RBFOX1: variants seen among roughly 807,000 people sequenced by gnomAD.
RBFOX1 encodes RNA binding fox-1 homolog 1.
In RBFOX1, 8 loss-of-function variants were observed where a neutral mutation model predicts 57.7. The observed-to-expected ratio is 0.14, with a 90% CI of 0.08 to 0.25. RBFOX1 has a LOEUF of 0.25. Among genes scored for constraint, RBFOX1 ranks in the 10% least tolerant of loss-of-function variants. The pLI, the probability that RBFOX1 is intolerant of heterozygous loss-of-function variation, is 1.00. For synonymous variants in RBFOX1, 326 were observed against 222.4 expected (o/e 1.47, Z -4.15); for missense variants, 611 against 548.5 (o/e 1.11, Z -1.14).
chr16:6,075,368 C>G (rs548123142), intron 1 of RBFOX1, among the ~76,000 whole-genome samples: 1 of 152,148 alleles, frequency 6.6e-6, no homozygotes, highest in Non-Finnish European at 1.5e-5. Context: ...CATTGATATT[C>G]TTTATGTGCT....
chr16:5,663,774 T>A (rs1478508135), intron 3 of RBFOX1, among the ~76,000 whole-genome samples: 1 of 152,182 alleles, frequency 6.6e-6, no homozygotes, highest in African/African-American at 2.4e-5. Flanking sequence ...CTGGGTCACC[T>A]CTTGTCTGTA....
In RBFOX1 at chr16:5,733,840, T is replaced by A. The variant is rs1316517277; in HGVS notation, c.319-133463T>A. 3.9e-5 allele frequency among the ~76,000 whole-genome samples: 6 copies of A among 152,120 alleles called. No individual in the cohort carries two copies. In the East Asian group the frequency reaches 1.2e-3, roughly 30 times the overall value. Reference sequence around the variant, plus strand: ...ATCCGCGTCCATGCTGATGCTCTAGTCTTTCCCTGGGATGCGTCTTCTTTT... The same window carrying A: ...ATCCGCGTCCATGCTGATGCTCTAGACTTTCCCTGGGATGCGTCTTCTTTT... On this transcript the variant is annotated intron_variant, in intron 3 of 19. Coordinates refer to the RBFOX1 transcript ENST00000641259.
chr16:6,080,312 A>C (rs1019346168), intron 1 of RBFOX1, among the ~76,000 whole-genome samples: 1 of 152,088 alleles, frequency 6.6e-6, no homozygotes, highest in African/African-American at 2.4e-5. Context: ...GCTTCACATG[A>C]ATCAGAGAAC....
intron 3 of RBFOX1, among the ~76,000 whole-genome samples, chr16:6,698,750 C>T (rs1326926356): frequency 1.3e-5 from 2 of 152,156 alleles, no homozygotes; most frequent in Non-Finnish European, 1.5e-5. Flanking sequence ...CTTTGTTCTG[C>T]CCTGTTTTCC....
intron 1 of RBFOX1, among the ~76,000 whole-genome samples, chr16:6,076,141 A>G (rs1421347251): frequency 6.6e-6 from 1 of 152,116 alleles, no homozygotes; most frequent in Non-Finnish European, 1.5e-5. Context: ...TCTAATAAAA[A>G]TACAAAATTA....
chr16:6,085,528 C>T (rs930221622), intron 1 of RBFOX1, among the ~76,000 whole-genome samples: 5 of 152,216 alleles, frequency 3.3e-5, no homozygotes, highest in Admixed American at 3.3e-4. Context: ...GCCTCGGCCT[C>T]CCGGTGTTGG....
At chr16:7,023,680 C>A (rs1186458723) in intron 3 of RBFOX1, among the ~76,000 whole-genome samples, 3 of 151,368 alleles carry the variant, frequency 2.0e-5, no homozygotes, top group Non-Finnish European at 4.4e-5. Flanking sequence ...TAGGTTATCT[C>A]CCTTGTCTTA....
intron 4 of RBFOX1, among the ~76,000 whole-genome samples, chr16:7,081,149 C>G (rs1022244964): frequency 6.6e-6 from 1 of 152,210 alleles, no homozygotes; most frequent in East Asian, 1.9e-4. Flanking sequence ...ATTCTCCTGC[C>G]TCAGCCTCCC....
intron 4 of RBFOX1, among the ~76,000 whole-genome samples, chr16:7,306,300 TATAAG>T (rs1324311403): frequency 1.3e-5 from 2 of 152,138 alleles, no homozygotes; most frequent in African/African-American, 4.8e-5. Context: ...AGAACAAACA[TATAAG>T]ATAAACACAA....
At position 7,084,053 on chromosome 16, in the gene RBFOX1, A is replaced by G. The variant is rs149396538; in HGVS notation, c.27+31955A>G. ...GATCATCTTTCAGGTCATTTACCCTAATCCCACCCGGGGGCTTCTGATCAA... is the reference window on the plus strand; with the variant it reads ...GATCATCTTTCAGGTCATTTACCCTGATCCCACCCGGGGGCTTCTGATCAA... On this transcript the variant is annotated intron_variant, in intron 4 of 15. Transcript: ENST00000550418. Among the ~76,000 whole-genome samples, 231 of 152,200 alleles carry G rather than the reference A, an allele frequency of 1.5e-3. 1 individual carries two copies. The highest frequency in any genetic ancestry group is 5.4e-3 in the African/African-American group (226 of 41,522).
chr16:6,063,884 A>T (rs953279841), intron 1 of RBFOX1, among the ~76,000 whole-genome samples: 5 of 152,068 alleles, frequency 3.3e-5, no homozygotes, highest in African/African-American at 1.2e-4. Flanking sequence ...ACTGGCCAAG[A>T]TTTCTCTCTC....
intron 3 of RBFOX1, among the ~76,000 whole-genome samples, chr16:6,728,363 C>T (rs1177408106): frequency 2.3e-5 from 1 of 43,892 alleles, no homozygotes; most frequent in African/African-American, 4.0e-5. Flanking sequence ...CAGTTAAATC[C>T]CAATGTCTTG....
intron 4 of RBFOX1, among the ~76,000 whole-genome samples, chr16:7,071,859 C>CT (rs1197019014): frequency 6.6e-6 from 1 of 152,094 alleles, no homozygotes; most frequent in Non-Finnish European, 1.5e-5. Flanking sequence ...CTTATCATGT[C>CT]TTTTTACAAC....
intron 4 of RBFOX1, among the ~76,000 whole-genome samples, chr16:5,944,881 AC>A (rs2152269654): frequency 7.0e-6 from 1 of 143,082 alleles, no homozygotes; most frequent in South Asian, 2.3e-4. Context: ...CAGGAGAATC[AC>A]TTGAACCCAG....
chr16:7,304,362 G>A, intron 4 of RBFOX1: 1 of 985,384 alleles, frequency 1.0e-6, no homozygotes, highest in African/African-American at 1.7e-5. Context: ...CCCCACTCGG[G>A]CTCGGCGGGC....
At chr16:6,881,772 C>G (rs1255924665) in intron 3 of RBFOX1, among the ~76,000 whole-genome samples, 4 of 152,156 alleles carry the variant, frequency 2.6e-5, no homozygotes, top group Non-Finnish European at 5.9e-5. Context: ...GCTTATATAC[C>G]ATTATCCACT....
At chr16:7,042,070 C>G (rs1325511950) in intron 3 of RBFOX1, among the ~76,000 whole-genome samples, 1 of 152,156 alleles carries the variant, frequency 6.6e-6, no homozygotes, top group Non-Finnish European at 1.5e-5. Flanking sequence ...GGGCCCAGTG[C>G]TTTGATATCA....
At chr16:7,156,038 G>A (rs2077048031) in intron 4 of RBFOX1, among the ~76,000 whole-genome samples, 1 of 151,360 alleles carries the variant, frequency 6.6e-6, no homozygotes, top group Non-Finnish European at 1.5e-5. Context: ...CACGCACACA[G>A]GTATATAGGT....
intron 3 of RBFOX1, among the ~76,000 whole-genome samples, chr16:6,937,615 C>T (rs1287845313): frequency 2.0e-5 from 3 of 151,998 alleles, no homozygotes. Context: ...GTGAGATTTA[C>T]ATTGGTTCGG....
Sources: allele counts gnomAD v4.1 joint callset (sites outside exome capture counted in the v4.1 genomes callset), GRCh38; gene constraint gnomAD v4.1.1; transcripts MANE v1.5; gene names NCBI Gene and HGNC (gene_info 2026-07-23, HGNC 2026-07-21).